Variants in ADGRB3 observed in about 807,000 individuals in gnomAD.
ADGRB3 encodes adhesion G protein-coupled receptor B3.
In ADGRB3, 37 loss-of-function variants were observed where a neutral mutation model predicts 193.4. That is an observed-to-expected ratio of 0.19 (90% CI 0.15 to 0.25). The LOEUF is 0.25. Among genes scored for constraint, ADGRB3 ranks in the 10% least tolerant of loss-of-function variants. The probability of loss-of-function intolerance (pLI) is 1.00; values close to 1 mark genes in which losing one functional copy is unlikely to be tolerated. For missense variants in ADGRB3, 1,637 were observed against 1,852.9 expected, an observed-to-expected ratio of 0.88 and a Z score of 2.14; for synonymous variants, 690 against 644.2, an observed-to-expected ratio of 1.07 and a Z score of -1.08.
intron 3 of ADGRB3, among the ~76,000 whole-genome samples, chr6:68,806,935 A>G (rs549567169): frequency 7.9e-5 from 12 of 152,252 alleles, no homozygotes; most frequent in Admixed American, 7.9e-4. Flanking sequence ...ATTCTTAAAC[A>G]TGTGTTAAAG....
intron 17 of ADGRB3, among the ~76,000 whole-genome samples, chr6:69,117,675 C>T (rs756330243): frequency 6.6e-5 from 10 of 152,104 alleles, no homozygotes; most frequent in Admixed American, 2.0e-4. Context: ...TTATTTTGAG[C>T]TTTAAGGCAC....
At chr6:68,649,358 A>T (rs151116663) in intron 3 of ADGRB3, among the ~76,000 whole-genome samples, 2 of 152,284 alleles carry the variant, frequency 1.3e-5, no homozygotes, top group South Asian at 4.1e-4. Flanking sequence ...AAGATAAAAG[A>T]TGAACAGTCT....
At chr6:68,820,871 C>T (rs1767736379) in intron 3 of ADGRB3, among the ~76,000 whole-genome samples, 1 of 152,014 alleles carries the variant, frequency 6.6e-6, no homozygotes, top group Admixed American at 6.6e-5. Flanking sequence ...AAGACCATGT[C>T]CTATTGTCCC....
intron 13 of ADGRB3, among the ~76,000 whole-genome samples, chr6:69,029,633 A>G (rs1040108597): frequency 6.6e-6 from 1 of 152,196 alleles, no homozygotes; most frequent in Non-Finnish European, 1.5e-5. Context: ...GTAGCTGTAC[A>G]ATGTATGAGA....
At chr6:68,862,745 T>C (rs530467100) in intron 3 of ADGRB3, among the ~76,000 whole-genome samples, 109 of 152,336 alleles carry the variant, frequency 7.2e-4, no homozygotes, top group Non-Finnish European at 1.4e-3. Flanking sequence ...CCCTTTCTTT[T>C]CCACTAAGGC....
chr6:68,841,186 C>T (rs929888605), intron 3 of ADGRB3, among the ~76,000 whole-genome samples: 30 of 152,142 alleles, frequency 2.0e-4, no homozygotes, highest in African/African-American at 7.0e-4. Context: ...CAGTTTTGGA[C>T]AGGTCATCCA....
chr6:68,772,895 ATATAT>A (rs1405378701), intron 3 of ADGRB3, among the ~76,000 whole-genome samples: 61 of 33,318 alleles, frequency 1.8e-3, no homozygotes, highest in East Asian at 0.016. Context: ...AAAAAAAAAA[ATATAT>A]ATATATATAT....
intron 17 of ADGRB3, among the ~76,000 whole-genome samples, chr6:69,221,185 T>A (rs1243262248): frequency 6.6e-6 from 1 of 152,180 alleles, no homozygotes; most frequent in Admixed American, 6.6e-5. Context: ...TATTTTAGGC[T>A]GTCTAAATCA....
chr6:68,872,427 A>G (rs1765487050), intron 3 of ADGRB3, among the ~76,000 whole-genome samples: 1 of 152,142 alleles, frequency 6.6e-6, no homozygotes, highest in Non-Finnish European at 1.5e-5. Flanking sequence ...GGAAAAAACA[A>G]CTAAAAGTGA....
chr6:68,807,666 T>C (rs929735214), intron 3 of ADGRB3, among the ~76,000 whole-genome samples: 2 of 152,132 alleles, frequency 1.3e-5, no homozygotes, highest in Non-Finnish European at 1.5e-5. Flanking sequence ...ATTCCAATTA[T>C]CAGTAGCTTA....
At chr6:69,320,825 A>ATGTGTGTG (rs5877204) in intron 20 of ADGRB3, among the ~76,000 whole-genome samples, 5,404 of 146,326 alleles carry the variant, frequency 0.037, 153 homozygotes, top group Admixed American at 0.092. Context: ...GCATGTGTGT[A>ATGTGTGTG]TGTGTGTGTG....
At chr6:69,040,269 C>G (rs1055506834) in intron 13 of ADGRB3, among the ~76,000 whole-genome samples, 1 of 152,040 alleles carries the variant, frequency 6.6e-6, no homozygotes, top group Non-Finnish European at 1.5e-5. Context: ...CTTTCCCCCA[C>G]TCTATTGTCA....
At chr6:69,134,176 A>G (rs1429482289) in intron 17 of ADGRB3, among the ~76,000 whole-genome samples, 2 of 152,068 alleles carry the variant, frequency 1.3e-5, no homozygotes, top group Non-Finnish European at 2.9e-5. Flanking sequence ...GTCCTCTTGA[A>G]TATGCTTTAA....
At chr6:68,839,090 ACACAC>A (rs1768100452) in intron 3 of ADGRB3, among the ~76,000 whole-genome samples, 1 of 131,058 alleles carries the variant, frequency 7.6e-6, no homozygotes, top group Non-Finnish European at 1.5e-5. Flanking sequence ...TCACACACAC[ACACAC>A]ACACACACAC....
intron 3 of ADGRB3, among the ~76,000 whole-genome samples, chr6:68,783,449 G>A (rs926802878): frequency 1.3e-5 from 2 of 151,346 alleles, no homozygotes. Context: ...GGAAACTATA[G>A]AAGAGACAAC....
chr6:69,264,761 A>G (rs1168536999), intron 20 of ADGRB3, among the ~76,000 whole-genome samples: 1 of 151,958 alleles, frequency 6.6e-6, no homozygotes, highest in East Asian at 1.9e-4. Flanking sequence ...TCAACATTAC[A>G]AAAACATATT....
intron 3 of ADGRB3, among the ~76,000 whole-genome samples, chr6:68,834,058 T>C (rs1373931905): frequency 2.0e-5 from 3 of 151,756 alleles, no homozygotes; most frequent in Non-Finnish European, 4.4e-5. Context: ...GAAACATGAA[T>C]CTGATAATCT....
At chr6:69,225,110 A>G (rs868713133) in intron 17 of ADGRB3, among the ~76,000 whole-genome samples, 15 of 152,314 alleles carry the variant, frequency 9.8e-5, no homozygotes, top group Middle Eastern at 6.8e-3. Context: ...TGACAAAAAT[A>G]TAATTTTTTG....
chr6:68,826,329 G>T (rs1023643826), intron 3 of ADGRB3, among the ~76,000 whole-genome samples: 2 of 152,150 alleles, frequency 1.3e-5, no homozygotes, highest in African/African-American at 2.4e-5. Flanking sequence ...TGAGAAGAAA[G>T]AATTGAAGAA....
Sources: gnomAD v4.1 joint callset for allele counts (sites outside exome capture counted in the v4.1 genomes callset) on GRCh38, gnomAD v4.1.1 for gene constraint, MANE v1.5 for transcripts, NCBI Gene and HGNC (gene_info 2026-07-23, HGNC 2026-07-21) for gene names.